Variants in CLSTN2 observed in about 807,000 individuals in gnomAD.
The protein encoded by CLSTN2 is calsyntenin-2.
A neutral mutation model predicts 101.2 loss-of-function variants in CLSTN2; 48 were observed. That is an observed-to-expected ratio of 0.47 (90% confidence interval 0.38 to 0.60). CLSTN2 has a LOEUF of 0.60. Among genes scored for constraint, CLSTN2 ranks in the 20% least tolerant of loss-of-function variants. CLSTN2 has a pLI of 0.00. For missense variants in CLSTN2, 1,160 were observed against 1,238.2 expected (o/e 0.94, Z 0.95); for synonymous variants, 481 against 463.6 (o/e 1.04, Z -0.48).
At chr3:140,523,703 T>G (rs1205546923) in intron 8 of CLSTN2, among the ~76,000 whole-genome samples, 1 of 152,178 alleles carries the variant, frequency 6.6e-6, no homozygotes, top group East Asian at 1.9e-4. Flanking sequence ...CAGAACATGA[T>G]TCCCTAGAAA....
intron 1 of CLSTN2, among the ~76,000 whole-genome samples, chr3:139,937,209 T>C (rs1226996101): frequency 6.6e-6 from 1 of 152,040 alleles, no homozygotes; most frequent in Non-Finnish European, 1.5e-5. Context: ...ACACAGCAAG[T>C]GCAGAACAGG....
At chr3:140,374,326 C>T (rs1388081290) in intron 2 of CLSTN2, among the ~76,000 whole-genome samples, 1 of 152,174 alleles carries the variant, frequency 6.6e-6, no homozygotes, top group African/African-American at 2.4e-5. Flanking sequence ...TCTCCTCCTC[C>T]TCTTTCTTTT....
intron 2 of CLSTN2, among the ~76,000 whole-genome samples, chr3:140,253,474 T>G (rs1321412462): frequency 2.0e-5 from 3 of 152,166 alleles, no homozygotes; most frequent in Non-Finnish European, 2.9e-5. Flanking sequence ...GTAATCAAAT[T>G]TGTATAATTG....
At chr3:140,166,600 A>C (rs2010138289) in intron 1 of CLSTN2, among the ~76,000 whole-genome samples, 1 of 152,118 alleles carries the variant, frequency 6.6e-6, no homozygotes. Flanking sequence ...ATGGAGCATT[A>C]ATACACTTTT....
chr3:140,559,784 T>C (rs1935872677), intron 12 of CLSTN2, among the ~76,000 whole-genome samples: 1 of 152,168 alleles, frequency 6.6e-6, no homozygotes, highest in South Asian at 2.1e-4. Context: ...GCTGCTGTTA[T>C]AATAATCCTA....
chr3:140,409,087 T>C (rs908028613), intron 4 of CLSTN2, among the ~76,000 whole-genome samples: 2 of 152,354 alleles, frequency 1.3e-5, no homozygotes, highest in East Asian at 3.9e-4. Flanking sequence ...CTAACTCCTA[T>C]TGGTGGCCCC....
intron 2 of CLSTN2, among the ~76,000 whole-genome samples, chr3:140,205,302 T>C (rs960026234): frequency 6.6e-6 from 1 of 152,168 alleles, no homozygotes; most frequent in Non-Finnish European, 1.5e-5. Flanking sequence ...GAGTCCTTAG[T>C]GACACAAGGG....
chr3:140,520,900 T>C (rs1057274409), intron 8 of CLSTN2, among the ~76,000 whole-genome samples: 2 of 152,180 alleles, frequency 1.3e-5, no homozygotes, highest in African/African-American at 4.8e-5. Flanking sequence ...TTCAGAAAAA[T>C]AGTCTTCAAG....
chr3:139,962,653 A>C (rs1468710890), intron 1 of CLSTN2, among the ~76,000 whole-genome samples: 3 of 152,196 alleles, frequency 2.0e-5, no homozygotes, highest in African/African-American at 7.2e-5. Flanking sequence ...TTGGATTAAG[A>C]ATTTTCTTCT....
intron 2 of CLSTN2, among the ~76,000 whole-genome samples, chr3:140,269,661 T>A (rs112539201): frequency 0.01 from 1,578 of 152,304 alleles, 13 homozygotes; most frequent in Non-Finnish European, 0.017. Flanking sequence ...TAGCCCCACT[T>A]CTTGAACCGA....
chr3:140,042,457 T>C (rs1217394991), intron 1 of CLSTN2, among the ~76,000 whole-genome samples: 1 of 152,192 alleles, frequency 6.6e-6, no homozygotes, highest in African/African-American at 2.4e-5. Flanking sequence ...ATGTACCCCA[T>C]TTTATTTTTC....
chr3:139,988,625 C>G (rs184314744), intron 1 of CLSTN2, among the ~76,000 whole-genome samples: 1 of 152,254 alleles, frequency 6.6e-6, no homozygotes, highest in East Asian at 1.9e-4. Flanking sequence ...AGGAGAAGCA[C>G]TTGCCATGGT....
intron 1 of CLSTN2, among the ~76,000 whole-genome samples, chr3:140,007,790 C>G (rs556934802): frequency 6.6e-6 from 1 of 152,288 alleles, no homozygotes; most frequent in African/African-American, 2.4e-5. Flanking sequence ...ATCATGTTAA[C>G]TTTATGTGAG....
rs932711186 is a variant in CLSTN2 at position 140,277,676 on chromosome 3, TA to T, written c.232+101612del. 6.0e-3 allele frequency among the ~76,000 whole-genome samples: 915 copies of T among 151,534 alleles called. 8 individuals are homozygous for T. The highest frequency in any genetic ancestry group is 0.02 in the African/African-American group (832 of 41,410). On this transcript the variant is annotated intron_variant, in intron 2 of 16. Transcript: ENST00000458420. ...GATTTGTTTCCCCTACCAGTGCACT[TA>T]AAAAAAAATATACTTTGCCACTTAA...
At chr3:140,466,485 G>A in intron 7 of CLSTN2, 125 bp from the exon 8 acceptor site, 1 of 1,073,960 alleles carries the variant, frequency 9.3e-7, no homozygotes, top group South Asian at 1.5e-5. Flanking sequence ...TGTTGTAAAT[G>A]AGAAGACTGG....
chr3:140,162,633 C>CG (rs1056027244), intron 1 of CLSTN2, among the ~76,000 whole-genome samples: 15 of 152,162 alleles, frequency 9.9e-5, no homozygotes, highest in African/African-American at 3.1e-4. Context: ...GGCTGGGTGG[C>CG]GGGGGCCTTT....
intron 1 of CLSTN2, among the ~76,000 whole-genome samples, chr3:140,007,364 G>A (rs1209760650): frequency 1.3e-5 from 2 of 152,214 alleles, no homozygotes. Context: ...AGAGGCAGGT[G>A]TGCTGGCAGC....
At chr3:140,156,336 C>T (rs2009953469) in intron 1 of CLSTN2, among the ~76,000 whole-genome samples, 1 of 152,158 alleles carries the variant, frequency 6.6e-6, no homozygotes, top group Non-Finnish European at 1.5e-5. Context: ...TAGATATTTC[C>T]AGGAATATGC....
At chr3:140,428,223 G>A (rs2088593352) in intron 5 of CLSTN2, among the ~76,000 whole-genome samples, 1 of 151,920 alleles carries the variant, frequency 6.6e-6, no homozygotes, top group African/African-American at 2.4e-5. Flanking sequence ...TGCATCCCTT[G>A]TTTATGCTTT....
Sources: gnomAD v4.1 joint callset for allele counts (sites outside exome capture counted in the v4.1 genomes callset) on GRCh38, gnomAD v4.1.1 for gene constraint, MANE v1.5 for transcripts, NCBI Gene and HGNC (gene_info 2026-07-23, HGNC 2026-07-21) for gene names.